Variants in ARHGAP25 observed in about 807,000 individuals in gnomAD.
ARHGAP25 encodes rho GTPase-activating protein 25.
ARHGAP25 carries 34 observed loss-of-function variants against 71.0 expected under a neutral mutation model. The ratio of observed to expected loss-of-function variants is 0.48; its 90% CI spans 0.36 to 0.64. ARHGAP25 has a LOEUF of 0.64. Ranked by LOEUF, ARHGAP25 falls within the 30% of genes least tolerant of loss-of-function variation. The pLI is 0.00. For synonymous variants in ARHGAP25, 282 were observed against 296.5 expected (o/e 0.95, Z 0.50); for missense variants, 706 against 805.1 (o/e 0.88, Z 1.49).
At chr2:68,815,659 T>G (rs1681168500) in intron 6 of ARHGAP25, among the ~76,000 whole-genome samples, 2 of 152,056 alleles carry the variant, frequency 1.3e-5, no homozygotes, top group South Asian at 4.1e-4. Flanking sequence ...CAGATGGTGA[T>G]TACAGACCCT....
chr2:68,711,079 C>A (rs183943495), intron 2 of ARHGAP25, among the ~76,000 whole-genome samples: 72 of 152,274 alleles, frequency 4.7e-4, no homozygotes, highest in African/African-American at 1.7e-3. Flanking sequence ...AATGCAGCCC[C>A]CTCCCTCTCA....
chr2:68,716,959 T>C (rs1322836233), intron 2 of ARHGAP25, among the ~76,000 whole-genome samples: 1 of 152,262 alleles, frequency 6.6e-6, no homozygotes, highest in Non-Finnish European at 1.5e-5. Flanking sequence ...TTAATGTTTC[T>C]GTTTTAGTTA....
chr2:68,731,231 T>C (rs1229743976), upstream of ARHGAP25, among the ~76,000 whole-genome samples: 2 of 152,114 alleles, frequency 1.3e-5, no homozygotes, highest in Non-Finnish European at 2.9e-5. Flanking sequence ...CGTTTTCTCC[T>C]TGTTCCTCAT....
At chr2:68,730,374 G>A (rs1475754374), upstream of ARHGAP25, among the ~76,000 whole-genome samples, 4 of 152,184 alleles carry the variant, frequency 2.6e-5, no homozygotes, top group Admixed American at 6.5e-5. Context: ...GCTGGACACA[G>A]TGGCTTATGT....
chr2:68,762,384 T>C (rs1676878727), intron 1 of ARHGAP25, among the ~76,000 whole-genome samples: 1 of 152,116 alleles, frequency 6.6e-6, no homozygotes, highest in South Asian at 2.1e-4. Flanking sequence ...GTAAATTTTA[T>C]GTGTGTTTTA....
chr2:68,727,088 G>C (rs774456743), intron 2 of ARHGAP25, among the ~76,000 whole-genome samples: 30 of 152,118 alleles, frequency 2.0e-4, no homozygotes, highest in Non-Finnish European at 3.5e-4. Flanking sequence ...ACATGCTGAG[G>C]CATCTGTCAG....
rs1291821188 is a variant in ARHGAP25, at chr2:68,822,320, C to T, written c.1201-20C>T. On this transcript the variant is annotated intron_variant, in intron 9 of 10. Transcript: ENST00000409202. Reference sequence around the variant, plus strand: ...AGAGGTGAAAACCCCATGTGACATCCATGGCCATTTCTTTTCTAGACAAGC... The same window carrying T: ...AGAGGTGAAAACCCCATGTGACATCTATGGCCATTTCTTTTCTAGACAAGC... 1 of 1,603,684 alleles carries T rather than the reference C, an allele frequency of 6.2e-7. No individual in the cohort carries two copies. The highest frequency in any genetic ancestry group is 1.3e-5 in the African/African-American group (1 of 74,490).
At chr2:68,744,834 C>T (rs1276717201) in intron 1 of ARHGAP25, among the ~76,000 whole-genome samples, 3 of 152,174 alleles carry the variant, frequency 2.0e-5, no homozygotes, top group East Asian at 1.9e-4. Context: ...CCCAGAAAAC[C>T]CTGGATTTAA....
chr2:68,728,647 A>C (rs909600373), intron 2 of ARHGAP25, among the ~76,000 whole-genome samples: 1 of 152,208 alleles, frequency 6.6e-6, no homozygotes, highest in Non-Finnish European at 1.5e-5. Context: ...CTGTAATTCC[A>C]GCACTTTGAG....
At chr2:68,759,078 GT>G (rs1305494991) in intron 1 of ARHGAP25, among the ~76,000 whole-genome samples, 3 of 151,766 alleles carry the variant, frequency 2.0e-5, no homozygotes, top group Non-Finnish European at 4.4e-5. Flanking sequence ...AACACTACAT[GT>G]CAAAACTATG....
At chr2:68,715,227 G>C (rs976498135) in intron 2 of ARHGAP25, among the ~76,000 whole-genome samples, 2 of 152,206 alleles carry the variant, frequency 1.3e-5, no homozygotes, top group African/African-American at 4.8e-5. Context: ...TGCCTGAAAA[G>C]TTGGTAGAAA....
chr2:68,826,288 C>CT lies in ARHGAP25; in HGVS notation c.*95dup, dbSNP rs1217765298. On this transcript the variant is annotated 3_prime_UTR_variant, in exon 11 of 11. Transcript: ENST00000409202. ...GATGACGGGGAAACAAAATTATTCT[C>CT]TGAGAGGGAAAGGACATTTGAGGGA... is the stretch of plus-strand genomic sequence containing the variant. 4.3e-6 allele frequency: 5 copies of CT among 1,171,716 alleles called. No individual in the cohort carries two copies. In the African/African-American group the frequency reaches 7.6e-5, roughly 18 times the overall value. 72.6% of individuals were successfully genotyped at this position (1,171,716 alleles called of 1,614,324 possible). A position where few individuals can be genotyped will look rare whatever the true frequency, so the allele number is the denominator to read the frequency against.
chr2:68,803,804 C>A (rs950393589), intron 4 of ARHGAP25, among the ~76,000 whole-genome samples: 1 of 151,626 alleles, frequency 6.6e-6, no homozygotes, highest in East Asian at 1.9e-4. Context: ...TCACTCGTAA[C>A]CCTCCATTTG....
intron 5 of ARHGAP25, among the ~76,000 whole-genome samples, chr2:68,812,558 T>G (rs1415249092): frequency 6.6e-6 from 1 of 152,254 alleles, no homozygotes; most frequent in Non-Finnish European, 1.5e-5. Flanking sequence ...GTCACCTATG[T>G]GTTCCCATCT....
chr2:68,771,498 C>T (rs1194578655), intron 1 of ARHGAP25, among the ~76,000 whole-genome samples: 1 of 152,168 alleles, frequency 6.6e-6, no homozygotes, highest in Non-Finnish European at 1.5e-5. Context: ...AGAGACTGTT[C>T]AAAGAACCTA....
At chr2:68,819,459 C>G (rs1381987184) in intron 9 of ARHGAP25, 140 bp downstream of exon 9, 1 of 828,570 alleles carries the variant, frequency 1.2e-6, no homozygotes, top group Non-Finnish European at 2.0e-6. Flanking sequence ...ACAGACTCAT[C>G]TGAACACACC....
chr2:68,754,614 G>A (rs1293184077), intron 1 of ARHGAP25, among the ~76,000 whole-genome samples: 5 of 152,162 alleles, frequency 3.3e-5, no homozygotes, highest in Admixed American at 3.3e-4. Context: ...TGCTACTGCT[G>A]GATCATATGA....
chr2:68,712,130 A>G (rs2104244430), intron 2 of ARHGAP25, among the ~76,000 whole-genome samples: 1 of 152,344 alleles, frequency 6.6e-6, no homozygotes, highest in South Asian at 2.1e-4. Context: ...CACTCCCACC[A>G]ACAGTGTAAA....
chr2:68,761,527 C>A (rs1176600823), intron 1 of ARHGAP25, among the ~76,000 whole-genome samples: 1 of 102,990 alleles, frequency 9.7e-6, no homozygotes, highest in African/African-American at 2.9e-5. Flanking sequence ...AGCTCCTAAA[C>A]TCTACAAAAA....
Sources: allele counts gnomAD v4.1 joint callset (sites outside exome capture counted in the v4.1 genomes callset), GRCh38; gene constraint gnomAD v4.1.1; transcripts MANE v1.5; gene names NCBI Gene and HGNC (gene_info 2026-07-23, HGNC 2026-07-21).